Variants in HIVEP1 observed in about 807,000 individuals in gnomAD.
HIVEP1 encodes HIVEP zinc finger 1, also known as zinc finger protein 40.
HIVEP1 carries 36 observed loss-of-function variants against 180.0 expected under a neutral mutation model. The ratio of observed to expected loss-of-function variants is 0.20; its 90% CI spans 0.15 to 0.26. The LOEUF (loss-of-function observed/expected upper bound fraction) is 0.26. HIVEP1 is among the 10% of genes least tolerant of loss of function. The pLI, the probability that HIVEP1 is intolerant of heterozygous loss-of-function variation, is 1.00. For synonymous variants in HIVEP1, 1,239 were observed against 1,239.0 expected (o/e 1.00, Z 0.00); for missense variants, 3,143 against 3,268.7 (o/e 0.96, Z 0.94).
intron 3 of HIVEP1, among the ~76,000 whole-genome samples, chr6:12,101,380 T>TTATAAATACAATATGTATATAACATG (rs571024143): frequency 3.9e-5 from 6 of 152,152 alleles, no homozygotes; most frequent in Non-Finnish European, 2.9e-5. Context: ...ACTGTAACAT[T>TTATAAATACAATATGTATATAACATG]TATAAATACA....
At chr6:12,162,409 C>T (rs1040824335) in intron 8 of HIVEP1, among the ~76,000 whole-genome samples, 10 of 152,152 alleles carry the variant, frequency 6.6e-5, no homozygotes, top group South Asian at 2.1e-4. Context: ...GTTAATGTGA[C>T]CCGAAAACAC....
chr6:12,033,633 A>G (rs528262003), intron 2 of HIVEP1, among the ~76,000 whole-genome samples: 1 of 152,336 alleles, frequency 6.6e-6, no homozygotes, highest in East Asian at 1.9e-4. Flanking sequence ...GGACTCCAGT[A>G]TGTCCAAACC....
intron 7 of HIVEP1, among the ~76,000 whole-genome samples, chr6:12,156,461 G>C (rs1351382455): frequency 6.6e-6 from 1 of 152,138 alleles, no homozygotes; most frequent in African/African-American, 2.4e-5. Context: ...TGGCTAGCCA[G>C]TTTTCCCAGC....
the HIVEP1 span, among the ~76,000 whole-genome samples, chr6:12,171,432 A>G: frequency 9.2e-5 from 14 of 152,288 alleles, no homozygotes; most frequent in Admixed American, 2.0e-4. Context: ...AGCATCCTCC[A>G]TAATCGGACT....
rs767770618 is a variant in HIVEP1 at position 12,079,457 on chromosome 6, T to G, written c.41-9727T>G. ...AAGTGCACATTGAACTTTTCCTTCC[T>G]TATCTTCCTCAGTATCCACTAACAT... On this transcript the variant is annotated intron_variant, in intron 2 of 8. Transcript: ENST00000379388. 5.3e-5 allele frequency among the ~76,000 whole-genome samples: 8 copies of G among 152,324 alleles called. No homozygotes were observed. In the East Asian group the frequency reaches 5.8e-4, roughly 11 times the overall value.
intron 2 of HIVEP1, among the ~76,000 whole-genome samples, chr6:12,076,330 A>T (rs561106496): frequency 2.6e-5 from 4 of 152,338 alleles, no homozygotes; most frequent in African/African-American, 9.6e-5. Flanking sequence ...ACTTTTTGAA[A>T]TAAAAACTCA....
chr6:12,075,744 C>CCA (rs145569040), intron 2 of HIVEP1, among the ~76,000 whole-genome samples: 3,452 of 152,218 alleles, frequency 0.023, 131 homozygotes, highest in African/African-American at 0.079. Context: ...TTCCACCCTC[C>CCA]CACATTGCTT....
At chr6:12,017,300 G>C (rs1320005862) in intron 2 of HIVEP1, among the ~76,000 whole-genome samples, 1 of 152,160 alleles carries the variant, frequency 6.6e-6, no homozygotes, top group Admixed American at 6.5e-5. Context: ...GAGTGTTATA[G>C]CTCTTAAAGG....
chr6:12,128,118 T>C (rs1758203413), intron 4 of HIVEP1, among the ~76,000 whole-genome samples: 1 of 152,220 alleles, frequency 6.6e-6, no homozygotes, highest in Non-Finnish European at 1.5e-5. Context: ...AGAAGCCAGA[T>C]TTAATAGTAC....
Position 12,122,454 on chromosome 6 carries a change from GTGCCCCAGAGT to G in HIVEP1, c.2660_2670del (p.Val887GlyfsTer19). The G allele has an allele frequency of 6.2e-7, 1 of 1,614,210 alleles. No homozygotes were observed. Among genetic ancestry groups the G allele is most frequent in the South Asian group, 1.1e-5 (1 of 91,088 alleles). The stretch of plus-strand genomic sequence containing the variant: ...CTTTGTATCGGGACCTAACGCTCCT[GTGCCCCAGAGT>G]GGGCATCCCCGTACACTTGTGAGAC... On this transcript the variant is annotated frameshift_variant, in exon 4 of 9. Coordinates refer to ENST00000379388, the MANE Select transcript of HIVEP1 (RefSeq NM_002114.4). LOFTEE classifies it high-confidence loss of function.
chr6:12,008,857 C>G (rs1767133595), upstream of HIVEP1: 1 of 152,300 alleles, frequency 6.6e-6, no homozygotes, highest in Non-Finnish European at 1.5e-5. Flanking sequence ...TTGGATCAGA[C>G]TTTTGTGTTG....
At chr6:12,084,796 C>G (rs925008055) in intron 2 of HIVEP1, among the ~76,000 whole-genome samples, 1 of 151,924 alleles carries the variant, frequency 6.6e-6, no homozygotes, top group Non-Finnish European at 1.5e-5. Flanking sequence ...GGAGGACGTA[C>G]GGGTGCTAGC....
intron 2 of HIVEP1, among the ~76,000 whole-genome samples, chr6:12,028,883 G>T (rs1447022353): frequency 3.3e-5 from 5 of 152,208 alleles, no homozygotes. Context: ...ACTGTCAGCT[G>T]CAGGCAATTG....
the HIVEP1 span, among the ~76,000 whole-genome samples, chr6:12,186,407 G>T: frequency 2.0e-5 from 3 of 151,976 alleles, no homozygotes; most frequent in Admixed American, 6.6e-5. Context: ...GCAGATCAGT[G>T]GTTGTCTTGG....
chr6:12,143,115 A>G (rs188943600), intron 7 of HIVEP1, among the ~76,000 whole-genome samples: 223 of 152,364 alleles, frequency 1.5e-3, no homozygotes, highest in African/African-American at 5.1e-3. Context: ...TCCCTGATGA[A>G]CATCGATGTG....
chr6:12,123,552 G>A lies in HIVEP1; in HGVS notation c.3757G>A (p.Asp1253Asn), dbSNP rs148091729. The A allele has an allele frequency of 1.4e-3, 2,301 of 1,614,114 alleles. 2 individuals are homozygous for A. The highest frequency in any genetic ancestry group is 1.8e-3 in the Non-Finnish European group (2,171 of 1,180,026). The stretch of plus-strand genomic sequence containing the variant: ...TCGAGACCTGGAAGCTCAATGCCAT[G>A]ATCAAGAAAAGTCAGAGAAGTTCAG... ...PDRDLEAQCH[D>N]QEKSEKFSWP... The change falls in exon 4 of 9, where the codon GAT becomes AAT. Residue 1253 changes from aspartate to asparagine, a missense_variant. Around this residue, in one of 12 missense-constraint regions of HIVEP1, gnomAD observed 1,357 missense variants for 1,260.5 expected, o/e 1.08. Coordinates refer to ENST00000379388, the MANE Select transcript of HIVEP1 (RefSeq NM_002114.4).
chr6:12,086,681 C>T (rs539084441), intron 2 of HIVEP1, among the ~76,000 whole-genome samples: 10 of 152,158 alleles, frequency 6.6e-5, no homozygotes, highest in African/African-American at 2.4e-4. Context: ...GCTTTAGAGT[C>T]TAGCAGGCAG....
intron 2 of HIVEP1, among the ~76,000 whole-genome samples, chr6:12,061,551 A>G (rs368360125): frequency 6.6e-6 from 1 of 152,222 alleles, no homozygotes; most frequent in Non-Finnish European, 1.5e-5. Flanking sequence ...GTAGAAGAAA[A>G]TCACTTGCAT....
Position 12,089,215 on chromosome 6 carries a change from T to C in HIVEP1, c.72T>C (p.Asn24=). 1 of 1,566,658 alleles carries C rather than the reference T, an allele frequency of 6.4e-7. No homozygotes were observed. The highest frequency in any genetic ancestry group is 1.4e-5 in the African/African-American group (1 of 73,810). The change falls in exon 3 of 9, where the codon AAT becomes AAC. Residue 24 remains asparagine, a synonymous_variant. Coordinates refer to ENST00000379388, the MANE Select transcript of HIVEP1 (RefSeq NM_002114.4). ...TTGAAGAAGCACAAAAAGAACTTAATGGGGCAGAAGTTTCAAAAAAAGGTA... is the reference window on the plus strand; with the variant it reads ...TTGAAGAAGCACAAAAAGAACTTAACGGGGCAGAAGTTTCAAAAAAAGGTA... ...DKIEEAQKEL[N]GAEVSKKEIL... is the part of the protein sequence containing the mutation.
Sources: allele counts gnomAD v4.1 joint callset (sites outside exome capture counted in the v4.1 genomes callset), GRCh38; gene constraint gnomAD v4.1.1; regional missense constraint gnomAD v4.1.1; transcripts MANE v1.5; gene names NCBI Gene and HGNC (gene_info 2026-07-23, HGNC 2026-07-21).